Variants in C12orf42 observed in about 807,000 individuals in gnomAD.
C12orf42 encodes the protein uncharacterized protein C12orf42.
Under a neutral mutation model 21.6 loss-of-function variants are expected in C12orf42, and 25 were observed. The observed-to-expected ratio is 1.16, with a 90% CI of 0.84 to 1.62. The LOEUF is 1.62. Ranked by LOEUF, C12orf42 falls within the 40% of genes most tolerant of loss-of-function variation. The pLI is 0.00. For synonymous variants in C12orf42, 174 were observed against 175.0 expected, an observed-to-expected ratio of 0.99 and a Z score of 0.05; for missense variants, 483 against 459.3, an observed-to-expected ratio of 1.05 and a Z score of -0.47.
chr12:103,086,084 T>C, the C12orf42 span, among the ~76,000 whole-genome samples: 1 of 152,202 alleles, frequency 6.6e-6, no homozygotes, highest in Non-Finnish European at 1.5e-5. Context: ...CATTCACTCC[T>C]TTTTAATGAT....
intron 4 of C12orf42, among the ~76,000 whole-genome samples, chr12:103,289,128 T>C (rs916771027): frequency 3.3e-5 from 5 of 152,150 alleles, no homozygotes; most frequent in African/African-American, 1.2e-4. Flanking sequence ...GTAGTACTAA[T>C]ATATTACATA....
intron 2 of C12orf42, among the ~76,000 whole-genome samples, chr12:103,405,110 G>A (rs573121109): frequency 2.6e-5 from 4 of 152,150 alleles, no homozygotes; most frequent in Non-Finnish European, 5.9e-5. Flanking sequence ...TTAGAGGTCA[G>A]TCATTAAACA....
the C12orf42 span, among the ~76,000 whole-genome samples, chr12:103,213,274 G>A: frequency 6.6e-6 from 1 of 152,268 alleles, no homozygotes; most frequent in Non-Finnish European, 1.5e-5. Flanking sequence ...CTGATGCCAG[G>A]AGAATGACTT....
intron 3 of C12orf42, among the ~76,000 whole-genome samples, chr12:103,390,266 A>G (rs2046962429): frequency 1.3e-5 from 2 of 152,164 alleles, no homozygotes; most frequent in Non-Finnish European, 2.9e-5. Context: ...TAAGCGTTTT[A>G]CCTCATTTAA....
At chr12:103,197,934 C>T in the C12orf42 span, among the ~76,000 whole-genome samples, 2 of 152,198 alleles carry the variant, frequency 1.3e-5, no homozygotes, top group Admixed American at 1.3e-4. Context: ...ACCTGCTGTA[C>T]TGAAGAGACC....
chr12:103,462,726 T>G (rs1246151172), intron 2 of C12orf42, among the ~76,000 whole-genome samples: 1 of 152,216 alleles, frequency 6.6e-6, no homozygotes, highest in East Asian at 1.9e-4. Context: ...TCTAGGCATG[T>G]CTGCACATCA....
At chr12:103,164,503 T>C in the C12orf42 span, 1 of 450,784 alleles carries the variant, frequency 2.2e-6, no homozygotes, top group South Asian at 1.6e-5. Context: ...TTTCTTTATT[T>C]GCCAGGAAAG....
At chr12:103,326,072 T>G (rs2040666448) in intron 4 of C12orf42, among the ~76,000 whole-genome samples, 1 of 152,206 alleles carries the variant, frequency 6.6e-6, no homozygotes, top group African/African-American at 2.4e-5. Flanking sequence ...TTTAATTTCC[T>G]CACAACAATT....
chr12:103,474,073 T>A (rs956157139), intron 2 of C12orf42, among the ~76,000 whole-genome samples: 1 of 152,106 alleles, frequency 6.6e-6, no homozygotes, highest in African/African-American at 2.4e-5. Context: ...CCCCATCCCA[T>A]GGTGGTTTTT....
intron 4 of C12orf42, among the ~76,000 whole-genome samples, chr12:103,282,089 C>T (rs2036177268): frequency 6.6e-6 from 1 of 152,108 alleles, no homozygotes; most frequent in South Asian, 2.1e-4. Flanking sequence ...ATTAGAATTG[C>T]ACTTCTGGTC....
intron 3 of C12orf42, among the ~76,000 whole-genome samples, chr12:103,389,859 G>A (rs995441613): frequency 1.3e-5 from 2 of 152,082 alleles, no homozygotes; most frequent in African/African-American, 4.8e-5. Flanking sequence ...TTTTCATATC[G>A]CCTTGTACCT....
At chr12:103,229,631 C>T in the C12orf42 span, among the ~76,000 whole-genome samples, 1 of 152,140 alleles carries the variant, frequency 6.6e-6, no homozygotes, top group Non-Finnish European at 1.5e-5. Flanking sequence ...CTTCTGAAGT[C>T]CCTTGTGTTT....
At chr12:103,226,467 T>A in the C12orf42 span, among the ~76,000 whole-genome samples, 3 of 152,146 alleles carry the variant, frequency 2.0e-5, no homozygotes, top group Non-Finnish European at 4.4e-5. Flanking sequence ...AAACGAGCCA[T>A]GAACTGGGCT....
At chr12:103,181,076 A>G in the C12orf42 span, among the ~76,000 whole-genome samples, 1 of 151,912 alleles carries the variant, frequency 6.6e-6, no homozygotes, top group Non-Finnish European at 1.5e-5. Context: ...ATCCTGGCCA[A>G]CATGGTGAAA....
At chr12:103,305,173 C>G (rs1424851408) in intron 5 of C12orf42, among the ~76,000 whole-genome samples, 1 of 152,150 alleles carries the variant, frequency 6.6e-6, no homozygotes, top group Non-Finnish European at 1.5e-5. Flanking sequence ...AAGCCATAGA[C>G]CATGAGTCGG....
intron 4 of C12orf42, among the ~76,000 whole-genome samples, chr12:103,323,708 T>C (rs544476666): frequency 7.2e-5 from 11 of 152,200 alleles, no homozygotes; most frequent in Non-Finnish European, 1.5e-4. Context: ...TGTGTGAGAG[T>C]ATATGTTTCT....
chr12:103,531,645 T>C, the C12orf42 span, among the ~76,000 whole-genome samples: 7 of 152,218 alleles, frequency 4.6e-5, no homozygotes, highest in Non-Finnish European at 1.0e-4. Context: ...CTGGTAAATA[T>C]TAAAACTTCA....
intron 10 of C12orf42, among the ~76,000 whole-genome samples, chr12:103,243,254 T>G (rs2033842213): frequency 1.3e-5 from 2 of 152,148 alleles, no homozygotes; most frequent in South Asian, 4.1e-4. Flanking sequence ...CTCATACTCC[T>G]GGACTCAAAC....
At chr12:103,527,278 G>T in the C12orf42 span, among the ~76,000 whole-genome samples, 1 of 152,260 alleles carries the variant, frequency 6.6e-6, no homozygotes, top group African/African-American at 2.4e-5. Context: ...AAGCATGAGG[G>T]GGTTACTCTG....
Sources: gnomAD v4.1 joint callset for allele counts (sites outside exome capture counted in the v4.1 genomes callset) on GRCh38, gnomAD v4.1.1 for gene constraint, MANE v1.5 for transcripts, NCBI Gene and HGNC (gene_info 2026-07-23, HGNC 2026-07-21) for gene names.